The following LRSAM1 variants were observed in gnomAD, a reference collection of about 807,000 sequenced individuals.
LRSAM1 encodes leucine rich repeat and sterile alpha motif containing 1.
LRSAM1 carries 96 observed loss-of-function variants against 118.1 expected under a neutral mutation model. That is an observed-to-expected ratio of 0.81 (90% CI 0.69 to 0.96). The LOEUF (loss-of-function observed/expected upper bound fraction) is 0.96. LRSAM1 is among the 40% of genes least tolerant of loss of function. The probability of loss-of-function intolerance (pLI) is 0.00; values close to 1 mark genes in which losing one functional copy is unlikely to be tolerated. For synonymous variants in LRSAM1, 322 were observed against 364.2 expected, an observed-to-expected ratio of 0.88 and a Z score of 1.32; for missense variants, 804 against 915.5, an observed-to-expected ratio of 0.88 and a Z score of 1.57.
At chr9:127,499,529 TAA>T (rs34940320) in intron 24 of LRSAM1, among the ~76,000 whole-genome samples, 1 of 114,936 alleles carries the variant, frequency 8.7e-6, no homozygotes, top group Admixed American at 7.7e-5. Flanking sequence ...AGACCCTGTC[TAA>T]AAAAAAATAT....
intron 5 of LRSAM1, 64 bp from the exon 6 acceptor site, chr9:127,457,252 C>T (rs1834553596): frequency 6.3e-7 from 1 of 1,593,872 alleles, no homozygotes; most frequent in African/African-American, 1.3e-5. Context: ...GGCTCCCACG[C>T]CCTTAGCCTG....
At chr9:127,457,547 T>C (rs1373352776) in intron 6 of LRSAM1, 154 bp downstream of exon 6, 2 of 736,268 alleles carry the variant, frequency 2.7e-6, no homozygotes, top group African/African-American at 1.7e-5. Flanking sequence ...TGGATACTTC[T>C]GTGGGCTGTG....
At chr9:127,472,676 A>G (rs928828989) in intron 10 of LRSAM1, among the ~76,000 whole-genome samples, 1 of 152,122 alleles carries the variant, frequency 6.6e-6, no homozygotes, top group Non-Finnish European at 1.5e-5. Flanking sequence ...AAAAATAAAC[A>G]TTAAAGAAAC....
rs1028777763 is a variant in LRSAM1 at position 127,496,316 on chromosome 9, T to C, written c.1830+221T>C. On this transcript the variant is annotated intron_variant, in intron 23 of 25. Coordinates refer to ENST00000300417, the MANE Select transcript of LRSAM1 (RefSeq NM_001005373.4). ...CACTGGGAAATCCTGGGGAGGTGGG[T>C]CCTGCTGACCTGATCAGACTGGATC... 2.0e-5 allele frequency among the ~76,000 whole-genome samples: 3 copies of C among 152,146 alleles called. No homozygotes were observed. In the East Asian group the frequency reaches 5.8e-4, roughly 29 times the overall value.
chr9:127,489,538 T>TCC lies in LRSAM1; in HGVS notation c.1422+22_1422+23dup, dbSNP rs1405916141. The TCC allele has an allele frequency of 1.8e-5, 29 of 1,593,378 alleles. No individual in the cohort carries two copies. Among genetic ancestry groups the TCC allele is most frequent in the Non-Finnish European group, 2.5e-5 (29 of 1,172,622 alleles). On this transcript the variant is annotated intron_variant, in intron 19 of 25. Coordinates refer to ENST00000300417, the MANE Select transcript of LRSAM1 (RefSeq NM_001005373.4). ...AGCCAGGTGAGCGCTGGGGCTGGGGTCCCTGGACCTGCTCTCTCAGAGACT... is the reference window on the plus strand; with the variant it reads ...AGCCAGGTGAGCGCTGGGGCTGGGGTCCCCCTGGACCTGCTCTCTCAGAGACT...
chr9:127,491,842 C>G (rs1835945919), intron 20 of LRSAM1, among the ~76,000 whole-genome samples: 1 of 152,320 alleles, frequency 6.6e-6, no homozygotes, highest in East Asian at 1.9e-4. Flanking sequence ...CCGGGTGTGG[C>G]CCAGCACAGC....
intron 18 of LRSAM1, among the ~76,000 whole-genome samples, chr9:127,488,830 A>G (rs1457411815): frequency 2.6e-5 from 4 of 151,572 alleles, no homozygotes; most frequent in African/African-American, 7.3e-5. Flanking sequence ...GGCTCAAGCA[A>G]TCCTCCTGCC....
chr9:127,454,428 A>G, intron 2 of LRSAM1, 68 bp from the exon 3 acceptor site: 1 of 1,186,432 alleles, frequency 8.4e-7, no homozygotes, highest in Non-Finnish European at 1.2e-6. Flanking sequence ...GTGTTACTGC[A>G]CTACCTGTCC....
chr9:127,478,959 G>A lies in LRSAM1; in HGVS notation c.776G>A (p.Arg259Lys). Residue 259 changes from arginine (R) to lysine (K), a missense_variant, in exon 12 of 26, where the codon AGG (arginine) becomes AAG (lysine). Arg to Lys is a conservative substitution (Grantham distance 26). Coordinates refer to ENST00000300417, the MANE Select transcript of LRSAM1 (RefSeq NM_001005373.4). Reference sequence around the variant, plus strand: ...AACAGGTTCTCAGACTATGAGAAGAGGAAGGTAAGAAAATGCCTTTACCCT... The same window carrying A: ...AACAGGTTCTCAGACTATGAGAAGAAGAAGGTAAGAAAATGCCTTTACCCT... ...WQNRFSDYEK[R>K]KEQKMLEKLE... The A allele has an allele frequency of 6.2e-7, 1 of 1,613,844 alleles. No individual in the cohort carries two copies.
intron 20 of LRSAM1, 111 bp from the exon 21 acceptor site, chr9:127,492,690 AT>A: frequency 1.0e-6 from 1 of 956,676 alleles, no homozygotes. Context: ...GCCTGGAGGC[AT>A]TGGGCAGAGA....
At chr9:127,485,951 G>A in intron 17 of LRSAM1, 116 bp downstream of exon 17, 1 of 920,150 alleles carries the variant, frequency 1.1e-6, no homozygotes, top group Non-Finnish European at 1.7e-6. Context: ...CCCAGCCTCT[G>A]CTCTGCTGTT....
intron 10 of LRSAM1, among the ~76,000 whole-genome samples, chr9:127,468,751 G>A (rs1457673035): frequency 6.8e-6 from 1 of 146,912 alleles, no homozygotes; most frequent in Non-Finnish European, 1.5e-5. Flanking sequence ...TGAGGCAGGA[G>A]GATCTCGAGC....
At chr9:127,491,020 G>C (rs1025663572) in intron 19 of LRSAM1, among the ~76,000 whole-genome samples, 195 bp from the exon 20 acceptor site, 1 of 152,036 alleles carries the variant, frequency 6.6e-6, no homozygotes, top group East Asian at 1.9e-4. Flanking sequence ...CCAGGAACGC[G>C]AGGCCATGAA....
chr9:127,501,377 G>A (rs1454558726), intron 25 of LRSAM1, among the ~76,000 whole-genome samples: 4 of 151,864 alleles, frequency 2.6e-5, no homozygotes, highest in Non-Finnish European at 5.9e-5. Context: ...AAATACATTA[G>A]GAAAAAATTT....
chr9:127,475,926 G>A (rs1233847696), intron 11 of LRSAM1, among the ~76,000 whole-genome samples: 1 of 152,056 alleles, frequency 6.6e-6, no homozygotes, highest in African/African-American at 2.4e-5. Flanking sequence ...TTTTAGTAGA[G>A]ACGGGGTTTC....
intron 25 of LRSAM1, 117 bp downstream of exon 25, chr9:127,501,260 C>A: frequency 7.6e-7 from 1 of 1,320,656 alleles, no homozygotes; most frequent in Non-Finnish European, 1.0e-6. Flanking sequence ...AGACTGTGCT[C>A]ATCTAGAAAG....
At chr9:127,461,332 C>T in intron 8 of LRSAM1, 75 bp downstream of exon 8, 2 of 1,388,938 alleles carry the variant, frequency 1.4e-6, no homozygotes, top group Non-Finnish European at 2.0e-6. Context: ...CACAGGCTGC[C>T]CCGCCCGGGA....
chr9:127,462,852 A>G (rs1160436980), intron 9 of LRSAM1, among the ~76,000 whole-genome samples: 1 of 152,000 alleles, frequency 6.6e-6, no homozygotes, highest in African/African-American at 2.4e-5. Flanking sequence ...AGAAAAAAAA[A>G]GTTAAAAAAA....
Position 127,503,038 on chromosome 9 carries a change from C to G in LRSAM1, c.*139C>G. 1.7e-6 allele frequency: 2 copies of G among 1,175,132 alleles called. No homozygotes were observed. The highest frequency in any genetic ancestry group is 2.4e-6 in the Non-Finnish European group (2 of 825,624). The allele number at this position is 1,175,132 out of a possible 1,614,324, so 72.8% of individuals were successfully genotyped here. On this transcript the variant is annotated 3_prime_UTR_variant, in exon 26 of 26. Transcript: ENST00000300417. Reference sequence around the variant, plus strand: ...GCCCCTTCCCCACTGCCCAGGAGCCCCCATCCTAAGCTCCAAGCATGTCTG... The same window carrying G: ...GCCCCTTCCCCACTGCCCAGGAGCCGCCATCCTAAGCTCCAAGCATGTCTG...
Sources: allele counts gnomAD v4.1 joint callset (sites outside exome capture counted in the v4.1 genomes callset), GRCh38; gene constraint gnomAD v4.1.1; transcripts MANE v1.5; gene names NCBI Gene and HGNC (gene_info 2026-07-23, HGNC 2026-07-21).